The following ASAP1 variants were observed in gnomAD, a reference collection of about 807,000 sequenced individuals.
ASAP1 encodes the protein ArfGAP with SH3 domain, ankyrin repeat and PH domain 1.
ASAP1 carries 43 observed loss-of-function variants against 145.2 expected under a neutral mutation model. The ratio of observed to expected loss-of-function variants is 0.30; its 90% CI spans 0.23 to 0.38. The LOEUF (loss-of-function observed/expected upper bound fraction) is 0.38. ASAP1 is among the 10% of genes least tolerant of loss of function. The pLI, the probability that ASAP1 is intolerant of heterozygous loss-of-function variation, is 1.00. For missense variants in ASAP1, 1,018 were observed against 1,355.3 expected (o/e 0.75, Z 3.91); for synonymous variants, 546 against 515.5 (o/e 1.06, Z -0.80).
intron 1 of ASAP1, among the ~76,000 whole-genome samples, chr8:130,443,196 A>C (rs1405877510): frequency 6.6e-6 from 1 of 151,168 alleles, no homozygotes; most frequent in Admixed American, 6.6e-5. Flanking sequence ...CCCTCTCCCG[A>C]GCTGGAGGCG....
intron 3 of ASAP1, among the ~76,000 whole-genome samples, chr8:130,253,712 G>A (rs1819344402): frequency 6.6e-6 from 1 of 152,140 alleles, no homozygotes. Context: ...CGAAATGCAC[G>A]CTCAAAAAGC....
rs944988761 is a variant in ASAP1, at chr8:130,118,489, C to T, written c.1794G>A (p.Gln598=). 2 of 1,601,672 alleles carry T rather than the reference C, an allele frequency of 1.2e-6. No individual in the cohort carries two copies. Among genetic ancestry groups the T allele is most frequent in the Non-Finnish European group, 1.7e-6 (2 of 1,173,200 alleles). ...ELMEPLLEPG[Q]ELGETALHLA... ...TCCAATGATTTTAGTGAGGCCTTAC[C>T]TGCCCAGGTTCCAGCAGTGGTTCCA... The change falls in exon 19 of 30, where the codon CAG becomes CAA. Residue 598 remains glutamine (Q), a splice_region_variant and synonymous_variant. Coordinates refer to ENST00000518721, the MANE Select transcript of ASAP1 (RefSeq NM_018482.4).
chr8:130,350,995 G>A (rs2791354), intron 3 of ASAP1, among the ~76,000 whole-genome samples: 23,456 of 152,222 alleles, frequency 0.15, 2,042 homozygotes, highest in Non-Finnish European at 0.2. Context: ...CCAGTCCAAG[G>A]AGGATTGCTT....
chr8:130,157,841 C>T (rs2097661017), intron 12 of ASAP1, among the ~76,000 whole-genome samples: 1 of 152,124 alleles, frequency 6.6e-6, no homozygotes, highest in Non-Finnish European at 1.5e-5. Flanking sequence ...TCCCATCCCC[C>T]ACACCACCTG....
intron 12 of ASAP1, among the ~76,000 whole-genome samples, chr8:130,155,255 C>T (rs564307276): frequency 3.3e-5 from 5 of 152,184 alleles, no homozygotes; most frequent in Non-Finnish European, 4.4e-5. Flanking sequence ...GAAAGTAACA[C>T]AGAAGCATTA....
intron 24 of ASAP1, among the ~76,000 whole-genome samples, chr8:130,094,950 T>A (rs1038028147): frequency 6.6e-6 from 1 of 152,208 alleles, no homozygotes; most frequent in Non-Finnish European, 1.5e-5. Flanking sequence ...AAAATGCTAA[T>A]GGAGCCATGT....
intron 3 of ASAP1, among the ~76,000 whole-genome samples, chr8:130,264,191 C>A (rs1243807820): frequency 6.6e-6 from 1 of 152,150 alleles, no homozygotes; most frequent in East Asian, 1.9e-4. Context: ...AACCTAAAGG[C>A]AAATCAAATC....
At chr8:130,221,800 G>A (rs571405323) in intron 4 of ASAP1, among the ~76,000 whole-genome samples, 229 of 152,234 alleles carry the variant, frequency 1.5e-3, no homozygotes, top group Middle Eastern at 6.8e-3. Context: ...CAAATCTCAA[G>A]TCTATCATTT....
chr8:130,222,887 G>A (rs1817375909), intron 4 of ASAP1, among the ~76,000 whole-genome samples: 1 of 152,086 alleles, frequency 6.6e-6, no homozygotes, highest in Non-Finnish European at 1.5e-5. Context: ...AGTGTACTTG[G>A]TAAAGTGCAG....
chr8:130,206,369 G>C (rs1816221591), intron 5 of ASAP1, among the ~76,000 whole-genome samples: 1 of 151,490 alleles, frequency 6.6e-6, no homozygotes, highest in South Asian at 2.1e-4. Context: ...AGAAGAACTT[G>C]AGAAATAATC....
chr8:130,425,336 T>A (rs1004376135), intron 1 of ASAP1, among the ~76,000 whole-genome samples: 3 of 149,440 alleles, frequency 2.0e-5, no homozygotes, highest in South Asian at 4.3e-4. Flanking sequence ...CATCTCAAAA[T>A]ATATATATAT....
At chr8:130,440,914 C>G (rs1366717041) in intron 1 of ASAP1, among the ~76,000 whole-genome samples, 1 of 152,192 alleles carries the variant, frequency 6.6e-6, no homozygotes, top group Non-Finnish European at 1.5e-5. Flanking sequence ...AACAAGGAAT[C>G]ACTCATCTGT....
chr8:130,363,712 C>G (rs1826820834), intron 2 of ASAP1, among the ~76,000 whole-genome samples: 1 of 152,220 alleles, frequency 6.6e-6, no homozygotes, highest in Non-Finnish European at 1.5e-5. Flanking sequence ...GTTAATGTCC[C>G]TGAGCCTGGC....
At chr8:130,420,085 C>T (rs1829655165) in intron 1 of ASAP1, among the ~76,000 whole-genome samples, 1 of 152,068 alleles carries the variant, frequency 6.6e-6, no homozygotes, top group Non-Finnish European at 1.5e-5. Flanking sequence ...GCCACCACGC[C>T]CAGCCAACCA....
chr8:130,367,778 GGGCCCCCGTTAAA>G (rs1827027208), intron 2 of ASAP1, among the ~76,000 whole-genome samples: 1 of 152,138 alleles, frequency 6.6e-6, no homozygotes, highest in South Asian at 2.1e-4. Flanking sequence ...GTCTGGGTTG[GGGCCCCCGTTAAA>G]GATACCCTAT....
chr8:130,157,510 C>A (rs982742561), intron 12 of ASAP1, among the ~76,000 whole-genome samples: 1 of 152,150 alleles, frequency 6.6e-6, no homozygotes, highest in African/African-American at 2.4e-5. Context: ...GTGCTTTCAC[C>A]CTCCATGACT....
intron 15 of ASAP1, among the ~76,000 whole-genome samples, chr8:130,133,429 G>A (rs1240385055): frequency 6.6e-6 from 1 of 151,950 alleles, no homozygotes; most frequent in African/African-American, 2.4e-5. Flanking sequence ...GGCCGAGGCG[G>A]GTGGATCATG....
intron 3 of ASAP1, among the ~76,000 whole-genome samples, chr8:130,239,988 G>C (rs527869705): frequency 5.9e-5 from 9 of 152,228 alleles, no homozygotes; most frequent in Admixed American, 5.9e-4. Flanking sequence ...TTCTGGAGGA[G>C]AATAACCTAT....
intron 27 of ASAP1, among the ~76,000 whole-genome samples, chr8:130,069,104 G>C (rs948348212): frequency 2.0e-5 from 3 of 152,152 alleles, no homozygotes; most frequent in African/African-American, 7.2e-5. Flanking sequence ...ATAAGGTGAA[G>C]AAAACACTGA....
Sources: gnomAD v4.1 joint callset for allele counts (sites outside exome capture counted in the v4.1 genomes callset) on GRCh38, gnomAD v4.1.1 for gene constraint, MANE v1.5 for transcripts, NCBI Gene and HGNC (gene_info 2026-07-23, HGNC 2026-07-21) for gene names.